Variants in DGKB observed in about 807,000 individuals in gnomAD.
The protein encoded by DGKB is diacylglycerol kinase beta.
In DGKB, 67 loss-of-function variants were observed where a neutral mutation model predicts 114.3. The ratio of observed to expected loss-of-function variants is 0.59; its 90% CI spans 0.48 to 0.72. The LOEUF is 0.72. Among genes scored for constraint, DGKB ranks in the 30% least tolerant of loss-of-function variants. The pLI is 0.00. For missense variants in DGKB, 907 were observed against 975.2 expected (o/e 0.93, Z 0.93); for synonymous variants, 398 against 323.1 (o/e 1.23, Z -2.49).
chr7:14,636,009 A>G (rs1001542879), intron 13 of DGKB, among the ~76,000 whole-genome samples: 17 of 151,840 alleles, frequency 1.1e-4, no homozygotes, highest in Admixed American at 9.9e-4. Flanking sequence ...CCATCCTTGA[A>G]AAAGATCTTG....
intron 1 of DGKB, among the ~76,000 whole-genome samples, chr7:14,875,150 C>A (rs991839767): frequency 6.6e-6 from 1 of 151,938 alleles, no homozygotes; most frequent in African/African-American, 2.4e-5. Flanking sequence ...ATAATAATAA[C>A]AATAACAATA....
intron 23 of DGKB, among the ~76,000 whole-genome samples, chr7:14,218,226 A>G (rs1448113022): frequency 6.6e-6 from 1 of 152,064 alleles, no homozygotes; most frequent in African/African-American, 2.4e-5. Flanking sequence ...AGAAGAGGAA[A>G]AGAAATGGAG....
At chr7:14,687,659 A>G (rs1821954129) in intron 9 of DGKB, among the ~76,000 whole-genome samples, 1 of 152,222 alleles carries the variant, frequency 6.6e-6, no homozygotes, top group Non-Finnish European at 1.5e-5. Flanking sequence ...TATTTAAAAA[A>G]TTAAAAGTAG....
At chr7:14,440,105 C>T (rs995970293) in intron 21 of DGKB, among the ~76,000 whole-genome samples, 3 of 152,086 alleles carry the variant, frequency 2.0e-5, no homozygotes, top group Non-Finnish European at 4.4e-5. Flanking sequence ...CCCTGAGCTT[C>T]TACAGCCCTT....
chr7:14,545,164 A>T (rs964079292), intron 20 of DGKB, among the ~76,000 whole-genome samples: 12 of 151,816 alleles, frequency 7.9e-5, no homozygotes, highest in Admixed American at 2.0e-4. Context: ...TGTGATAACG[A>T]TTAAGGCACC....
intron 1 of DGKB, among the ~76,000 whole-genome samples, chr7:14,972,647 G>A (rs574927248): frequency 6.8e-6 from 1 of 146,838 alleles, no homozygotes; most frequent in African/African-American, 2.6e-5. Flanking sequence ...GAAGATGATT[G>A]CTGATGTCCT....
chr7:14,600,650 G>A (rs1436775699), intron 17 of DGKB, among the ~76,000 whole-genome samples: 1 of 152,230 alleles, frequency 6.6e-6, no homozygotes, highest in Non-Finnish European at 1.5e-5. Flanking sequence ...CATTGAAAAG[G>A]GATAAATAGG....
At chr7:14,591,370 A>AT (rs1321652045) in intron 17 of DGKB, among the ~76,000 whole-genome samples, 2 of 152,058 alleles carry the variant, frequency 1.3e-5, no homozygotes, top group African/African-American at 2.4e-5. Context: ...CATTTTATTA[A>AT]TTTTTTTGAA....
intron 20 of DGKB, among the ~76,000 whole-genome samples, chr7:14,510,195 A>G (rs953760317): frequency 4.6e-5 from 7 of 152,142 alleles, no homozygotes; most frequent in Admixed American, 2.6e-4. Context: ...TGCCACATCC[A>G]TTGCCACCTC....
chr7:14,331,469 A>G (rs1809701924), intron 23 of DGKB, among the ~76,000 whole-genome samples: 1 of 152,070 alleles, frequency 6.6e-6, no homozygotes, highest in Non-Finnish European at 1.5e-5. Flanking sequence ...AACTTAAAAC[A>G]CTGCTTTCTA....
intron 1 of DGKB, among the ~76,000 whole-genome samples, chr7:14,866,318 G>A (rs961215711): frequency 6.6e-6 from 1 of 151,934 alleles, no homozygotes; most frequent in African/African-American, 2.4e-5. Flanking sequence ...GCATTCTATG[G>A]GTTTGGACAA....
chr7:14,320,540 T>A (rs112681809), intron 23 of DGKB, among the ~76,000 whole-genome samples: 1 of 151,604 alleles, frequency 6.6e-6, no homozygotes, highest in African/African-American at 2.4e-5. Flanking sequence ...GCATATGCGG[T>A]ACATATATGT....
chr7:14,651,207 T>G (rs1351396313), intron 13 of DGKB, among the ~76,000 whole-genome samples: 1 of 152,160 alleles, frequency 6.6e-6, no homozygotes, highest in Non-Finnish European at 1.5e-5. Flanking sequence ...AAGAGAATTT[T>G]AGACCAATAT....
chr7:14,797,560 G>A (rs545763862), intron 2 of DGKB, among the ~76,000 whole-genome samples: 4 of 152,166 alleles, frequency 2.6e-5, no homozygotes, highest in African/African-American at 9.6e-5. Context: ...CTTTTTCAGA[G>A]GCTCTCCTTG....
Position 14,834,714 on chromosome 7 carries a change from T to C in DGKB, c.70+6480A>G, listed in dbSNP as rs75509935. 2.4e-3 allele frequency among the ~76,000 whole-genome samples: 366 copies of C among 152,300 alleles called. 7 individuals carry two copies. In the East Asian group the frequency reaches 0.058, roughly 24 times the overall value. ...GTTGTGTTAGCCCACTAAGACTTCGTACATTTTTCAGACATGGCATGATTT... is the reference window on the plus strand; with the variant it reads ...GTTGTGTTAGCCCACTAAGACTTCGCACATTTTTCAGACATGGCATGATTT... On this transcript the variant is annotated intron_variant, in intron 2 of 25. Coordinates refer to ENST00000402815, the MANE Select transcript of DGKB (RefSeq NM_001350709.2).
At chr7:14,718,424 G>C in intron 6 of DGKB, 118 bp downstream of exon 6, 1 of 800,032 alleles carries the variant, frequency 1.2e-6, no homozygotes, top group Non-Finnish European at 1.8e-6. Flanking sequence ...TATTAAGCAG[G>C]ATCACTTTAT....
intron 21 of DGKB, among the ~76,000 whole-genome samples, chr7:14,358,426 T>C (rs1815021400): frequency 6.6e-6 from 1 of 152,102 alleles, no homozygotes; most frequent in Non-Finnish European, 1.5e-5. Flanking sequence ...CGTGCCATGG[T>C]TTTCAGCTCC....
chr7:14,719,995 C>T (rs1011833728), intron 5 of DGKB, among the ~76,000 whole-genome samples: 3 of 152,124 alleles, frequency 2.0e-5, no homozygotes, highest in African/African-American at 7.2e-5. Flanking sequence ...ACAAATCCAT[C>T]TTCCTGTTTC....
intron 2 of DGKB, among the ~76,000 whole-genome samples, chr7:14,776,040 C>T (rs141116245): frequency 5.7e-4 from 86 of 152,160 alleles, no homozygotes; most frequent in African/African-American, 2.0e-3. Context: ...GAAGTCCAAG[C>T]TGAGGTGGTC....
Sources: gnomAD v4.1 joint callset for allele counts (sites outside exome capture counted in the v4.1 genomes callset) on GRCh38, gnomAD v4.1.1 for gene constraint, MANE v1.5 for transcripts, NCBI Gene and HGNC (gene_info 2026-07-23, HGNC 2026-07-21) for gene names.